GTSE1: variants seen among roughly 807,000 people sequenced by gnomAD.
GTSE1 encodes the protein G2 and S-phase expressed 1, also known as G2 and S phase-expressed protein 1.
In GTSE1, 52 loss-of-function variants were observed where a neutral mutation model predicts 60.5. That is an observed-to-expected ratio of 0.86 (90% confidence interval 0.69 to 1.08). The LOEUF (loss-of-function observed/expected upper bound fraction) is 1.08. Ranked by LOEUF, GTSE1 falls within the 50% of genes least tolerant of loss-of-function variation. GTSE1 has a pLI of 0.00. For missense variants in GTSE1, 937 were observed against 961.8 expected (o/e 0.97, Z 0.34); for synonymous variants, 368 against 386.5 (o/e 0.95, Z 0.56).
chr22:46,303,905 G>A (rs2077702863), intron 2 of GTSE1, among the ~76,000 whole-genome samples: 1 of 152,182 alleles, frequency 6.6e-6, no homozygotes, highest in African/African-American at 2.4e-5. Context: ...TCCTGATGGT[G>A]GAGGCTCCAT....
In GTSE1 at chr22:46,316,323, G is replaced by A; in HGVS notation, c.1343G>A (p.Ser448Asn). Residue 448 changes from serine to asparagine, a missense_variant, in exon 7 of 12, where the codon AGT becomes AAT. By Grantham distance (46) the Ser-to-Asn change is conservative. Coordinates refer to ENST00000454366, the MANE Select transcript of GTSE1 (RefSeq NM_016426.7). The surrounding 1 kb of genome is among the most constrained non-coding windows in gnomAD (Gnocchi z 5.0). ...TCTTCTCAATTGAATAAGACTAGAA[G>A]TATCAGACGGCGAGATTCCTGTCTA... Reference protein sequence around the residue: ...SESSQLNKTRSIRRRDSCLNS... With the variant: ...SESSQLNKTRNIRRRDSCLNS... 5.6e-6 allele frequency: 9 copies of A among 1,613,666 alleles called. No homozygotes were observed. The highest frequency in any genetic ancestry group is 7.6e-6 in the Non-Finnish European group (9 of 1,179,558).
chr22:46,317,852 C>T lies in GTSE1; in HGVS notation c.1432+1440C>T, dbSNP rs771580602. On this transcript the variant is annotated intron_variant, in intron 7 of 11. Transcript: ENST00000454366. The surrounding 1 kb of genome is among the most constrained non-coding windows in gnomAD (Gnocchi z 5.6). ...CCTTCTCGGCCCTGTGAGCTCCGCTCGTTGCTCCCTGGTAAGACGGCGGTT... is the reference window on the plus strand; with the variant it reads ...CCTTCTCGGCCCTGTGAGCTCCGCTTGTTGCTCCCTGGTAAGACGGCGGTT... 1.1e-4 allele frequency among the ~76,000 whole-genome samples: 16 copies of T among 152,042 alleles called. No individual in the cohort carries two copies. Among genetic ancestry groups the T allele is most frequent in the Non-Finnish European group, 1.9e-4 (13 of 67,966 alleles).
At chr22:46,303,436 A>G (rs945890279) in intron 2 of GTSE1, among the ~76,000 whole-genome samples, 1 of 152,152 alleles carries the variant, frequency 6.6e-6, no homozygotes, top group Non-Finnish European at 1.5e-5. Context: ...TACTACTTAT[A>G]GTAGTTTCCA....
intron 9 of GTSE1, among the ~76,000 whole-genome samples, chr22:46,327,972 C>G (rs578193565): frequency 5.1e-4 from 78 of 152,162 alleles, no homozygotes; most frequent in Non-Finnish European, 9.7e-4. Flanking sequence ...GTTTAACTAT[C>G]TTGTATGTTT....
chr22:46,299,331 C>T (rs2077675907), intron 2 of GTSE1, among the ~76,000 whole-genome samples: 1 of 152,258 alleles, frequency 6.6e-6, no homozygotes, highest in Non-Finnish European at 1.5e-5. Context: ...CTCTCTGCGG[C>T]ACCCACGTTT....
intron 6 of GTSE1, among the ~76,000 whole-genome samples, chr22:46,315,434 A>T (rs1322102332): frequency 6.6e-6 from 1 of 151,696 alleles, no homozygotes; most frequent in Non-Finnish European, 1.5e-5. Context: ...GCCTTGAGTG[A>T]TCTCTTGCCT....
Position 46,316,217 on chromosome 22 carries a change from CCCCCCTCAGCAT to C in GTSE1, c.1243_1254del (p.Ser415_Pro418del). The C allele has an allele frequency of 6.2e-7, 1 of 1,613,354 alleles. No individual in the cohort carries two copies. The highest frequency in any genetic ancestry group is 2.2e-5 in the East Asian group (1 of 44,884). ...GCTGGCAGCGGAGCAGCTCACGGCA[CCCCCCTCAGCAT>C]CCCCCACCCAACCCCAGACTCCGGA... On this transcript the variant is annotated inframe_deletion, in exon 7 of 12. Transcript: ENST00000454366. The surrounding 1 kb of genome is among the most constrained non-coding windows in gnomAD (Gnocchi z 5.0).
Position 46,313,186 on chromosome 22 carries a change from A to G in GTSE1, c.928-704A>G, listed in dbSNP as rs147594552. 1.3e-5 allele frequency among the ~76,000 whole-genome samples: 2 copies of G among 149,708 alleles called. No individual in the cohort carries two copies. Among genetic ancestry groups the G allele is most frequent in the African/African-American group, 2.5e-5 (1 of 40,594 alleles). Reference sequence around the variant, plus strand: ...CTGTCTAAAAAAAAAAAAAAAAAAAAGGAAAAGAAAGAAAATTGCGGTTCC... The same window carrying G: ...CTGTCTAAAAAAAAAAAAAAAAAAAGGGAAAAGAAAGAAAATTGCGGTTCC... On this transcript the variant is annotated intron_variant, in intron 5 of 11. Transcript: ENST00000454366. This position sits in a 1 kb window ranked among gnomAD's most constrained non-coding sequence, Gnocchi z 4.4.
rs2077798434 is a variant in GTSE1 at position 46,319,214 on chromosome 22, G to A, written c.1432+2802G>A. Reference sequence around the variant, plus strand: ...CGGCTCCCAGAGCGCCGCGTGACCAGAGCGGACCCTGGAGTACCGTCAGTG... The same window carrying A: ...CGGCTCCCAGAGCGCCGCGTGACCAAAGCGGACCCTGGAGTACCGTCAGTG... On this transcript the variant is annotated intron_variant, in intron 7 of 11. Transcript: ENST00000454366. This position sits in a 1 kb window ranked among gnomAD's most constrained non-coding sequence, Gnocchi z 5.0. Among the ~76,000 whole-genome samples the A allele has an allele frequency of 6.6e-6, 1 of 152,232 alleles. No individual in the cohort carries two copies. The highest frequency in any genetic ancestry group is 2.4e-5 in the African/African-American group (1 of 41,464).
At chr22:46,306,007 A>G (rs182359764) in intron 2 of GTSE1, among the ~76,000 whole-genome samples, 27 of 152,034 alleles carry the variant, frequency 1.8e-4, no homozygotes, top group African/African-American at 5.5e-4. Context: ...GTGCTTATGG[A>G]TCTTTTCATT....
At chr22:46,315,338 C>T (rs1018556854) in intron 6 of GTSE1, among the ~76,000 whole-genome samples, 3 of 152,128 alleles carry the variant, frequency 2.0e-5, no homozygotes, top group Non-Finnish European at 4.4e-5. Context: ...ATTACAGGCA[C>T]GAGCCACTGC....
At chr22:46,325,788 A>T (rs550096179) in intron 8 of GTSE1, among the ~76,000 whole-genome samples, 1 of 152,368 alleles carries the variant, frequency 6.6e-6, no homozygotes, top group Admixed American at 6.5e-5. Context: ...GGACACAGAC[A>T]TTCAGTCCAC....
At position 46,308,820 on chromosome 22, in the gene GTSE1, C is replaced by T; in HGVS notation, c.639C>T (p.Pro213=). 1.2e-6 allele frequency: 2 copies of T among 1,613,272 alleles called. No individual in the cohort carries two copies. Among genetic ancestry groups the T allele is most frequent in the Non-Finnish European group, 1.7e-6 (2 of 1,180,034 alleles). The stretch of plus-strand genomic sequence containing the variant: ...CTCCGCACTCTGCTCATGCTTTGCC[C>T]AGGGAATCATGCACTGCTCATGCTG... The part of the protein sequence containing the change: ...PGPPHSAHAL[P]RESCTAHAAS... Residue 213 remains proline (P), a synonymous_variant, in exon 4 of 12, where the codon CCC becomes CCT. Coordinates refer to ENST00000454366, the MANE Select transcript of GTSE1 (RefSeq NM_016426.7).
rs909780127 is a variant in GTSE1, at chr22:46,318,619, C to T, written c.1432+2207C>T. Among the ~76,000 whole-genome samples the T allele has an allele frequency of 6.6e-6, 1 of 152,084 alleles. No individual in the cohort carries two copies. Among genetic ancestry groups the T allele is most frequent in the Non-Finnish European group, 1.5e-5 (1 of 68,024 alleles). The stretch of plus-strand genomic sequence containing the variant: ...TCAGGAGGTGACACGGGACTGAGAT[C>T]TGAACCAGGAGACTGAGGCAGCCGG... On this transcript the variant is annotated intron_variant, in intron 7 of 11. Coordinates refer to ENST00000454366, the MANE Select transcript of GTSE1 (RefSeq NM_016426.7). The surrounding 1 kb of genome is among the most constrained non-coding windows in gnomAD (Gnocchi z 4.8).
At chr22:46,325,774 C>A (rs1395349993) in intron 8 of GTSE1, among the ~76,000 whole-genome samples, 2 of 152,260 alleles carry the variant, frequency 1.3e-5, no homozygotes, top group African/African-American at 4.8e-5. Context: ...GCACATGAAT[C>A]TGGGGACACA....
rs552285432 is a variant in GTSE1, at chr22:46,311,276, T to C, written c.763-865T>C. 2.2e-4 allele frequency among the ~76,000 whole-genome samples: 33 copies of C among 152,124 alleles called. 1 individual carries two copies. In the South Asian group the frequency reaches 6.0e-3, roughly 28 times the overall value. On this transcript the variant is annotated intron_variant, in intron 4 of 11. Coordinates refer to ENST00000454366, the MANE Select transcript of GTSE1 (RefSeq NM_016426.7). The stretch of plus-strand genomic sequence containing the variant: ...TATTTTTAGTAGAGACAGGGTTTCA[T>C]CATATTAGTCAGGCTGGTCTCAAAC...
In GTSE1 at chr22:46,324,278, G is replaced by T. The variant is rs2077831285; in HGVS notation, c.1505+1016G>T. On this transcript the variant is annotated intron_variant, in intron 8 of 11. Transcript: ENST00000454366. This position sits in a 1 kb window ranked among gnomAD's most constrained non-coding sequence, Gnocchi z 5.2. ...GAAGAGCAAAGACCAGAGCCAGGCA[G>T]CCACTGGCCACCTCACTTGCCTCTC... 6.6e-6 allele frequency among the ~76,000 whole-genome samples: 1 copy of T among 152,204 alleles called. No homozygotes were observed. The highest frequency in any genetic ancestry group is 1.5e-5 in the Non-Finnish European group (1 of 68,044).
chr22:46,323,746 GGCA>G (rs1398684146), intron 8 of GTSE1, among the ~76,000 whole-genome samples: 2 of 152,136 alleles, frequency 1.3e-5, no homozygotes, highest in Non-Finnish European at 2.9e-5. Flanking sequence ...GGAGTGCAGT[GGCA>G]CGATCTCGGC....
rs955200052 is a variant in GTSE1 at position 46,320,557 on chromosome 22, G to A, written c.1433-2633G>A. 1.3e-5 allele frequency among the ~76,000 whole-genome samples: 2 copies of A among 152,262 alleles called. No homozygotes were observed. The highest frequency in any genetic ancestry group is 1.5e-5 in the Non-Finnish European group (1 of 68,048). On this transcript the variant is annotated intron_variant, in intron 7 of 11. Coordinates refer to ENST00000454366, the MANE Select transcript of GTSE1 (RefSeq NM_016426.7). The surrounding 1 kb of genome is among the most constrained non-coding windows in gnomAD (Gnocchi z 7.1). Reference sequence around the variant, plus strand: ...CCAGCTGTCACCGTGGAGGAGAGGTGAGGGCTGAGGGCACTCACAGCGTGG... The same window carrying A: ...CCAGCTGTCACCGTGGAGGAGAGGTAAGGGCTGAGGGCACTCACAGCGTGG...
Sources: allele counts gnomAD v4.1 joint callset (sites outside exome capture counted in the v4.1 genomes callset), GRCh38; gene constraint gnomAD v4.1.1; non-coding constraint Gnocchi (gnomAD v3.1); transcripts MANE v1.5; gene names NCBI Gene and HGNC (gene_info 2026-07-23, HGNC 2026-07-21).